ACAA2: variants seen among roughly 807,000 people sequenced by gnomAD.
ACAA2 encodes the protein acetyl-CoA acyltransferase 2, also known as 3-ketoacyl-CoA thiolase, mitochondrial.
In ACAA2, 35 loss-of-function variants were observed where a neutral mutation model predicts 44.8. The ratio of observed to expected loss-of-function variants is 0.78; its 90% CI spans 0.60 to 1.04. ACAA2 has a LOEUF of 1.04. Among genes scored for constraint, ACAA2 ranks in the 50% least tolerant of loss-of-function variants. ACAA2 has a pLI of 0.00. For synonymous variants in ACAA2, 142 were observed against 166.5 expected, an observed-to-expected ratio of 0.85 and a Z score of 1.13; for missense variants, 468 against 482.6, an observed-to-expected ratio of 0.97 and a Z score of 0.28.
At chr18:49,796,475 A>T (rs2023465915) in intron 3 of ACAA2, among the ~76,000 whole-genome samples, 1 of 152,202 alleles carries the variant, frequency 6.6e-6, no homozygotes, top group African/African-American at 2.4e-5. Context: ...GAAACAAATT[A>T]ATGTGAAAAT....
intron 1 of ACAA2, among the ~76,000 whole-genome samples, chr18:49,808,887 T>G (rs2023638024): frequency 6.6e-6 from 1 of 152,150 alleles, no homozygotes; most frequent in Non-Finnish European, 1.5e-5. Context: ...AGAGAACTGG[T>G]CTGACCTCAA....
At chr18:49,795,385 A>G (rs1303483878) in intron 4 of ACAA2, among the ~76,000 whole-genome samples, 2 of 152,188 alleles carry the variant, frequency 1.3e-5, no homozygotes, top group Non-Finnish European at 2.9e-5. Flanking sequence ...AACTTCTATA[A>G]GTCACGTTAA....
chr18:49,783,879 C>T lies in ACAA2; in HGVS notation c.1162G>A (p.Gly388Ser), dbSNP rs770186903. 3.1e-6 allele frequency: 5 copies of T among 1,613,880 alleles called. No homozygotes were observed. In the African/African-American group the frequency reaches 6.7e-5, roughly 22 times the overall value. Residue 388 changes from glycine to serine, a missense_variant, in exon 10 of 10, where the codon GGT becomes AGT. Gly to Ser is a moderately conservative substitution (Grantham distance 56, BLOSUM62 0). Transcript: ENST00000285093. Reference protein sequence around the residue: ...VGSACIGGGQGIAVIIQSTA With the variant: ...VGSACIGGGQSIAVIIQSTA The stretch of plus-strand genomic sequence containing the variant: ...GTGCTCTGAATGATGACAGCAATAC[C>T]TTGGCCACCTCCAATGCAAGCTGAT...
intron 1 of ACAA2, among the ~76,000 whole-genome samples, chr18:49,811,904 C>T (rs1439825607): frequency 6.6e-6 from 1 of 152,112 alleles, no homozygotes; most frequent in Non-Finnish European, 1.5e-5. Flanking sequence ...TGTCAATGTG[C>T]ATTTTTTTCC....
At chr18:49,790,296 T>C (rs1475730702) in intron 7 of ACAA2, among the ~76,000 whole-genome samples, 1 of 152,228 alleles carries the variant, frequency 6.6e-6, no homozygotes, top group African/African-American at 2.4e-5. Flanking sequence ...GCCAGCTTTT[T>C]TTCTTAGGAA....
rs1170084015 is a variant in ACAA2 at position 49,785,251 on chromosome 18, T to G, written c.1055A>C (p.His352Pro). 2 of 1,614,034 alleles carry G rather than the reference T, an allele frequency of 1.2e-6. No individual in the cohort carries two copies. The highest frequency in any genetic ancestry group is 4.5e-5 in the East Asian group (2 of 44,894). Residue 352 changes from histidine to proline, a missense_variant, in exon 9 of 10, where the codon CAC becomes CCC. By Grantham distance (77) the His-to-Pro change is moderately conservative. Coordinates refer to ENST00000285093, the MANE Select transcript of ACAA2 (RefSeq NM_006111.3). ...TCTTGATCCAGATCCTCCCAGTGGG[T>G]GACCCAAAGCAATGGCTCCTCCATT... ...NVNGGAIALG[H>P]PLGGSGSRIT...
chr18:49,787,235 A>T (rs934565075), intron 8 of ACAA2, 56 bp downstream of exon 8: 2 of 1,329,012 alleles, frequency 1.5e-6, no homozygotes, highest in Non-Finnish European at 9.9e-7. Flanking sequence ...TTATGCTATA[A>T]AAGTACATGG....
chr18:49,804,931 C>T (rs1308092623), intron 1 of ACAA2, among the ~76,000 whole-genome samples: 1 of 152,198 alleles, frequency 6.6e-6, no homozygotes, highest in Non-Finnish European at 1.5e-5. Context: ...GCCATTTCAT[C>T]ATATTGACAT....
intron 4 of ACAA2, among the ~76,000 whole-genome samples, chr18:49,795,223 C>T (rs944566446): frequency 6.6e-6 from 1 of 152,144 alleles, no homozygotes; most frequent in African/African-American, 2.4e-5. Context: ...AAGAAAACAT[C>T]ATTCTTTATC....
At chr18:49,795,643 C>T in intron 4 of ACAA2, 122 bp downstream of exon 4, 1 of 566,010 alleles carries the variant, frequency 1.8e-6, no homozygotes, top group Non-Finnish European at 3.1e-6. Flanking sequence ...TCATATCTTG[C>T]CAATCCTCAT....
chr18:49,794,589 A>C (rs572791829), intron 4 of ACAA2, among the ~76,000 whole-genome samples, 162 bp from the exon 5 acceptor site: 2 of 152,338 alleles, frequency 1.3e-5, no homozygotes, highest in Non-Finnish European at 2.9e-5. Context: ...TTTTAAAAAC[A>C]TGCAATGTTT....
At chr18:49,795,492 C>G (rs1434785417) in intron 4 of ACAA2, among the ~76,000 whole-genome samples, 2 of 152,106 alleles carry the variant, frequency 1.3e-5, no homozygotes, top group Non-Finnish European at 2.9e-5. Flanking sequence ...TCCATCTCTC[C>G]CATGCCTATG....
intron 7 of ACAA2, among the ~76,000 whole-genome samples, chr18:49,788,971 G>T (rs148051471): frequency 1.1e-4 from 16 of 152,228 alleles, no homozygotes; most frequent in Non-Finnish European, 1.9e-4. Context: ...CTCTGAATGG[G>T]TTTTCCACCT....
intron 7 of ACAA2, among the ~76,000 whole-genome samples, chr18:49,789,743 G>C (rs1028416802): frequency 6.6e-6 from 1 of 152,090 alleles, no homozygotes; most frequent in African/African-American, 2.4e-5. Context: ...TAGCACTTTG[G>C]GAGGCTGAGG....
intron 5 of ACAA2, among the ~76,000 whole-genome samples, chr18:49,794,018 G>A (rs1042937509): frequency 6.6e-6 from 1 of 152,132 alleles, no homozygotes; most frequent in African/African-American, 2.4e-5. Flanking sequence ...GACCAGTTCA[G>A]CACAAAACTC....
At chr18:49,799,710 T>C (rs2023511502) in intron 2 of ACAA2, among the ~76,000 whole-genome samples, 1 of 143,790 alleles carries the variant, frequency 7.0e-6, no homozygotes, top group South Asian at 2.3e-4. Context: ...TCTGCCTGGC[T>C]GCCCAGTCTG....
chr18:49,809,936 A>G (rs1343384172), intron 1 of ACAA2, among the ~76,000 whole-genome samples: 1 of 152,226 alleles, frequency 6.6e-6, no homozygotes, highest in Non-Finnish European at 1.5e-5. Context: ...ACTAATGCAA[A>G]ATGTTAATAA....
intron 2 of ACAA2, among the ~76,000 whole-genome samples, chr18:49,800,524 G>A (rs1384803228): frequency 6.6e-6 from 1 of 152,162 alleles, no homozygotes; most frequent in Non-Finnish European, 1.5e-5. Context: ...AAGTAGACAT[G>A]GGAGACTTTT....
chr18:49,797,389 TG>T, intron 3 of ACAA2, 76 bp downstream of exon 3: 1 of 1,369,608 alleles, frequency 7.3e-7, no homozygotes, highest in African/African-American at 1.5e-5. Context: ...AAAGCTAAAG[TG>T]TTATATTGCA....
Sources: gnomAD v4.1 joint callset for allele counts (sites outside exome capture counted in the v4.1 genomes callset) on GRCh38, gnomAD v4.1.1 for gene constraint, MANE v1.5 for transcripts, NCBI Gene and HGNC (gene_info 2026-07-23, HGNC 2026-07-21) for gene names.